AIM2: variants seen among roughly 807,000 people sequenced by gnomAD.
AIM2 encodes absent in melanoma 2, also known as interferon-inducible protein AIM2.
A neutral mutation model predicts 27.7 loss-of-function variants in AIM2; 30 were observed. That is an observed-to-expected ratio of 1.08 (90% confidence interval 0.81 to 1.47). The LOEUF (loss-of-function observed/expected upper bound fraction) is 1.47, where lower values mean the gene tolerates loss of function less well. Among genes scored for constraint, AIM2 ranks in the 40% most tolerant of loss-of-function variants. The pLI is 0.00. For missense variants in AIM2, 358 were observed against 411.3 expected, an observed-to-expected ratio of 0.87 and a Z score of 1.12; for synonymous variants, 141 against 145.3, an observed-to-expected ratio of 0.97 and a Z score of 0.21.
At chr1:159,120,313 A>G (rs2102038982) in intron 1 of AIM2, among the ~76,000 whole-genome samples, 1 of 152,284 alleles carries the variant, frequency 6.6e-6, no homozygotes, top group South Asian at 2.1e-4. Context: ...ACTTAATATA[A>G]TTCCTTTAAT....
At position 159,063,639 on chromosome 1, in the gene AIM2, T is replaced by C; in HGVS notation, c.852A>G (p.Leu284=). ...TEKKKNILFD[L]SDNTGKMEVL... ...CTTCCATTTTCCCAGTGTTGTCACT[T>C]AGGTCAAATAATATGTTTTTCTTCT... The change falls in exon 5 of 6, where the codon CTA becomes CTG. Residue 284 remains leucine (L), a synonymous_variant. Transcript: ENST00000368130. 1 of 1,613,538 alleles carries C rather than the reference T, an allele frequency of 6.2e-7. No homozygotes were observed.
chr1:159,055,827 A>C, the AIM2 span, among the ~76,000 whole-genome samples: 3 of 152,226 alleles, frequency 2.0e-5, no homozygotes, highest in South Asian at 6.2e-4. Flanking sequence ...TCTTCATATT[A>C]GTTCTAGAAG....
In AIM2 at chr1:159,068,697, A is replaced by C; in HGVS notation, c.267T>G (p.Asp89Glu). 6.2e-7 allele frequency: 1 copy of C among 1,613,370 alleles called. No homozygotes were observed. The highest frequency in any genetic ancestry group is 8.5e-7 in the Non-Finnish European group (1 of 1,179,640). ...KRLQEEKEKV[D>E]KQYKSVTKPK... ...GTTTTGTTACCGATTTGTATTGCTTATCAACTGATTAAAAAATGAAAGACA... is the reference window on the plus strand; with the variant it reads ...GTTTTGTTACCGATTTGTATTGCTTCTCAACTGATTAAAAAATGAAAGACA... The change falls in exon 3 of 6, where the codon GAT (aspartate) becomes GAG (glutamate). Residue 89 changes from aspartate to glutamate, a missense_variant. Transcript: ENST00000368130.
chr1:159,090,817 G>T (rs921241126), intron 1 of AIM2, among the ~76,000 whole-genome samples: 6 of 152,162 alleles, frequency 3.9e-5, no homozygotes, highest in African/African-American at 7.2e-5. Context: ...AATAATTTTT[G>T]ATCGTTCTTT....
At chr1:159,104,302 A>G (rs1293876176) in intron 1 of AIM2, among the ~76,000 whole-genome samples, 1 of 152,166 alleles carries the variant, frequency 6.6e-6, no homozygotes, top group East Asian at 1.9e-4. Context: ...CCAAACCCAC[A>G]CTGCCCACAG....
chr1:159,135,068 T>C (rs1647989043), intron 1 of AIM2, among the ~76,000 whole-genome samples: 1 of 152,228 alleles, frequency 6.6e-6, no homozygotes, highest in South Asian at 2.1e-4. Context: ...CTCTCCTTCA[T>C]TTACCATTGC....
chr1:159,106,992 C>G (rs1305136164), intron 1 of AIM2, among the ~76,000 whole-genome samples: 2 of 152,194 alleles, frequency 1.3e-5, no homozygotes, highest in Non-Finnish European at 2.9e-5. Context: ...TCCTCCTGGA[C>G]AAAACATATA....
chr1:159,135,696 AT>A (rs1250349770), intron 1 of AIM2, among the ~76,000 whole-genome samples: 1 of 152,190 alleles, frequency 6.6e-6, no homozygotes, highest in East Asian at 1.9e-4. Flanking sequence ...GGATGGTACC[AT>A]TTCCTTATTT....
chr1:159,056,736 A>AC, the AIM2 span, among the ~76,000 whole-genome samples: 15 of 148,856 alleles, frequency 1.0e-4, no homozygotes, highest in Admixed American at 2.7e-4. Flanking sequence ...AAAAAAAAAA[A>AC]AAAAAAAAAA....
At chr1:159,088,417 C>T (rs1656967291) in intron 1 of AIM2, among the ~76,000 whole-genome samples, 1 of 152,172 alleles carries the variant, frequency 6.6e-6, no homozygotes, top group African/African-American at 2.4e-5. Flanking sequence ...TGACTTACAG[C>T]TTCAGTCTGG....
At chr1:159,130,362 G>A (rs140884579) in intron 1 of AIM2, among the ~76,000 whole-genome samples, 87 of 152,174 alleles carry the variant, frequency 5.7e-4, no homozygotes, top group Middle Eastern at 6.8e-3. Context: ...ACAGTTCCAG[G>A]CTCATATATC....
intron 1 of AIM2, among the ~76,000 whole-genome samples, chr1:159,130,464 T>G (rs1486660705): frequency 6.6e-6 from 1 of 152,208 alleles, no homozygotes; most frequent in Non-Finnish European, 1.5e-5. Flanking sequence ...CTGGCCTTTT[T>G]GAGAATCTAC....
intron 1 of AIM2, among the ~76,000 whole-genome samples, chr1:159,085,914 A>AAC (rs376287897): frequency 3.4e-4 from 52 of 152,096 alleles, no homozygotes; most frequent in Non-Finnish European, 5.1e-4. Flanking sequence ...TAAATGTTCT[A>AAC]ACACACACAC....
At chr1:159,099,612 A>T (rs1439276447) in intron 1 of AIM2, among the ~76,000 whole-genome samples, 1 of 152,104 alleles carries the variant, frequency 6.6e-6, no homozygotes, top group Non-Finnish European at 1.5e-5. Flanking sequence ...ACATAACTAC[A>T]TCTGTTAATG....
intron 1 of AIM2, among the ~76,000 whole-genome samples, chr1:159,111,858 CT>C (rs1399362870): frequency 6.7e-6 from 1 of 149,232 alleles, no homozygotes; most frequent in Non-Finnish European, 1.5e-5. Context: ...ATCTATCTAT[CT>C]ATCTATCTAT....
chr1:159,109,655 C>T (rs1460711520), intron 1 of AIM2, among the ~76,000 whole-genome samples: 1 of 152,092 alleles, frequency 6.6e-6, no homozygotes, highest in African/African-American at 2.4e-5. Context: ...TCTTTACAAT[C>T]TATACAACTG....
At position 159,066,182 on chromosome 1, in the gene AIM2, C is replaced by T. The variant is rs969176404; in HGVS notation, c.544G>A (p.Ala182Thr). Residue 182 changes from alanine to threonine, a missense_variant, in exon 4 of 6, where the codon GCT (alanine) becomes ACT (threonine). Transcript: ENST00000368130. ...GKQEMFHATV[A>T]TEKEFFFVKV... is the part of the protein sequence containing the mutation. ...ACAAAGAAGAATTCCTTTTCTGTAGCCACTGTAGCATGAAACATCTCCTGC... is the reference window on the plus strand; with the variant it reads ...ACAAAGAAGAATTCCTTTTCTGTAGTCACTGTAGCATGAAACATCTCCTGC... The T allele has an allele frequency of 6.2e-7, 1 of 1,614,046 alleles. No homozygotes were observed. Among genetic ancestry groups the T allele is most frequent in the Non-Finnish European group, 8.5e-7 (1 of 1,180,032 alleles).
chr1:159,144,550 C>T (rs952330328), upstream of AIM2, among the ~76,000 whole-genome samples: 1 of 152,106 alleles, frequency 6.6e-6, no homozygotes, highest in Non-Finnish European at 1.5e-5. Context: ...GAAGCCAGTA[C>T]ATCTTTTTCT....
intron 1 of AIM2, among the ~76,000 whole-genome samples, chr1:159,092,139 T>C (rs1422281626): frequency 6.6e-6 from 1 of 152,172 alleles, no homozygotes; most frequent in Non-Finnish European, 1.5e-5. Context: ...AGGAAACAAA[T>C]ATATAAACTC....
Sources: gnomAD v4.1 joint callset for allele counts (sites outside exome capture counted in the v4.1 genomes callset) on GRCh38, gnomAD v4.1.1 for gene constraint, MANE v1.5 for transcripts, NCBI Gene and HGNC (gene_info 2026-07-23, HGNC 2026-07-21) for gene names.